ABCA9: variants seen among roughly 807,000 people sequenced by gnomAD.
The protein encoded by ABCA9 is ATP-binding cassette sub-family A member 9.
A neutral mutation model predicts 205.3 loss-of-function variants in ABCA9; 183 were observed. The ratio of observed to expected loss-of-function variants is 0.89; its 90% CI spans 0.79 to 1.01. The LOEUF (loss-of-function observed/expected upper bound fraction) is 1.01. Among genes scored for constraint, ABCA9 ranks in the 50% least tolerant of loss-of-function variants. The pLI is 0.00. For synonymous variants in ABCA9, 651 were observed against 683.3 expected (o/e 0.95, Z 0.74); for missense variants, 1,805 against 1,912.4 (o/e 0.94, Z 1.05).
At chr17:69,028,510 T>A in intron 12 of ABCA9, 25 bp downstream of exon 12, 1 of 1,466,766 alleles carries the variant, frequency 6.8e-7, no homozygotes, top group South Asian at 1.2e-5. Flanking sequence ...TCCAGGTACT[T>A]GTCCTTGGAT....
At chr17:68,988,991 A>G (rs1451815265) in intron 31 of ABCA9, 36 bp downstream of exon 31, 2 of 1,261,072 alleles carry the variant, frequency 1.6e-6, no homozygotes, top group East Asian at 2.3e-5. Flanking sequence ...CTTTGTAGGT[A>G]GCACTAATGA....
At chr17:69,068,388 C>T in the ABCA9 span, among the ~76,000 whole-genome samples, 1 of 152,136 alleles carries the variant, frequency 6.6e-6, no homozygotes, top group Non-Finnish European at 1.5e-5. Flanking sequence ...ATCTTTATTG[C>T]TATTTCTATT....
chr17:68,985,226 T>G lies in ABCA9; in HGVS notation c.4209-98A>C. On this transcript the variant is annotated intron_variant, in intron 32 of 38. Coordinates refer to ENST00000340001, the MANE Select transcript of ABCA9 (RefSeq NM_080283.4). ...GAAACACGACGGTGGGGGAGGTGTT[T>G]ATGAGTGGTCAGAGTGGTCATAAAA... The G allele has an allele frequency of 2.0e-6, 3 of 1,521,940 alleles. No individual in the cohort carries two copies. The South Asian group carries it at 3.4e-5, about 17-fold the overall frequency. 94.3% of individuals were successfully genotyped at this position (1,521,940 alleles called of 1,614,324 possible). A position where few individuals can be genotyped will look rare whatever the true frequency, so the allele number is the denominator to read the frequency against.
rs2144392762 is a variant in ABCA9 at position 69,035,670 on chromosome 17, C to A, written c.932G>T (p.Gly311Val). ...AATTAACCAACTCACCAAAGACAGG[C>A]CATAGAGGAGAAAGAGGGTGAAGAC... The part of the protein sequence containing the change: ...VMVFTLFLLY[G>V]LSLITLAFLM... Residue 311 changes from glycine to valine, a missense_variant, in exon 7 of 39, where the codon GGC (glycine) becomes GTC (valine). Coordinates refer to ENST00000340001, the MANE Select transcript of ABCA9 (RefSeq NM_080283.4). The A allele has an allele frequency of 1.2e-6, 2 of 1,613,324 alleles. No homozygotes were observed. The highest frequency in any genetic ancestry group is 1.7e-5 in the Admixed American group (1 of 59,936).
intron 21 of ABCA9, among the ~76,000 whole-genome samples, chr17:69,016,662 C>T (rs185700251): frequency 3.9e-5 from 6 of 152,186 alleles, no homozygotes; most frequent in Admixed American, 3.9e-4. Flanking sequence ...TATTTAGCAG[C>T]AACACTACGA....
At chr17:69,075,805 C>A in the ABCA9 span, among the ~76,000 whole-genome samples, 1 of 152,018 alleles carries the variant, frequency 6.6e-6, no homozygotes, top group African/African-American at 2.4e-5. Context: ...AGTGTCAAAT[C>A]TGTAGATTGC....
intron 26 of ABCA9, 89 bp downstream of exon 26, chr17:68,995,806 G>C: frequency 6.6e-7 from 1 of 1,509,556 alleles, no homozygotes; most frequent in Non-Finnish European, 9.0e-7. Context: ...TTGCACAGCT[G>C]AGGACTCTAT....
chr17:69,017,798 A>G lies in ABCA9; in HGVS notation c.2768-9T>C, dbSNP rs2070673496. 2 of 1,611,174 alleles carry G rather than the reference A, an allele frequency of 1.2e-6. No homozygotes were observed. The highest frequency in any genetic ancestry group is 1.7e-6 in the Non-Finnish European group (2 of 1,178,656). On this transcript the variant is annotated splice_polypyrimidine_tract_variant and intron_variant, in intron 20 of 38. Coordinates refer to ENST00000340001, the MANE Select transcript of ABCA9 (RefSeq NM_080283.4). ...GTTATCAATGGTTGACCCTACATGA[A>G]GGCAAAGATTAAAGGAAGCAAAAAT...
the ABCA9 span, among the ~76,000 whole-genome samples, chr17:69,066,822 A>T: frequency 2.0e-5 from 3 of 152,256 alleles, no homozygotes; most frequent in African/African-American, 7.2e-5. Flanking sequence ...AGAGTGGAAG[A>T]TTGCCTTAGA....
At chr17:69,043,780 CT>C (rs1386802411) in intron 5 of ABCA9, 65 bp from the exon 6 acceptor site, 2 of 1,327,906 alleles carry the variant, frequency 1.5e-6, no homozygotes, top group Non-Finnish European at 1.0e-6. Flanking sequence ...GGCTTTTTCT[CT>C]AAATTATAAG....
the ABCA9 span, among the ~76,000 whole-genome samples, chr17:69,070,346 G>C: frequency 6.6e-6 from 1 of 152,196 alleles, no homozygotes; most frequent in Admixed American, 6.5e-5. Context: ...CTCCTAGCGA[G>C]ATCAACGCAG....
At chr17:69,028,922 C>A (rs2071077727) in intron 11 of ABCA9, among the ~76,000 whole-genome samples, 1 of 152,036 alleles carries the variant, frequency 6.6e-6, no homozygotes, top group South Asian at 2.1e-4. Context: ...ATAAGATGAG[C>A]TGAAACAAAG....
chr17:68,988,561 C>T (rs563113242), intron 31 of ABCA9, among the ~76,000 whole-genome samples: 4 of 152,266 alleles, frequency 2.6e-5, no homozygotes, highest in Admixed American at 6.5e-5. Flanking sequence ...AGGTTTTACT[C>T]GCTAATGGAC....
chr17:69,020,467 G>GCGCCA lies in ABCA9; in HGVS notation c.2516_2520dup (p.Leu841TrpfsTer11). On this transcript the variant is annotated frameshift_variant, in exon 19 of 39. Coordinates refer to ENST00000340001, the MANE Select transcript of ABCA9 (RefSeq NM_080283.4). LOFTEE classifies it high-confidence loss of function. ...ATTGCACAGACCTGCTGCCTCCAGA[G>GCGCCA]CGCCACGCCACTGATTGTTTTCCTT... The GCGCCA allele has an allele frequency of 6.2e-7, 1 of 1,614,034 alleles. No individual in the cohort carries two copies. The highest frequency in any genetic ancestry group is 8.5e-7 in the Non-Finnish European group (1 of 1,179,962).
At position 68,990,017 on chromosome 17, in the gene ABCA9, T is replaced by C. The variant is rs2069393302; in HGVS notation, c.3838-87A>G. ...ACACTCTTGTCACCAAACCTTTCCT[T>C]ATAAAAAATCATGAATCAAACCACT... On this transcript the variant is annotated intron_variant, in intron 29 of 38. Coordinates refer to ENST00000340001, the MANE Select transcript of ABCA9 (RefSeq NM_080283.4). 5.3e-6 allele frequency: 5 copies of C among 946,344 alleles called. No individual in the cohort carries two copies. In the Admixed American group the frequency reaches 1.2e-4, roughly 22 times the overall value. The allele number at this position is 946,344 out of a possible 1,614,324, so 58.6% of individuals were successfully genotyped here.
intron 25 of ABCA9, among the ~76,000 whole-genome samples, chr17:68,997,119 C>T (rs757858042): frequency 6.6e-6 from 1 of 152,136 alleles, no homozygotes; most frequent in African/African-American, 2.4e-5. Context: ...TTAGTAAAGA[C>T]GGGGTTTCAC....
At chr17:68,984,221 G>T in intron 34 of ABCA9, 46 bp from the exon 35 acceptor site, 2 of 1,593,242 alleles carry the variant, frequency 1.3e-6, no homozygotes, top group Non-Finnish European at 1.7e-6. Context: ...GAATGCTCAA[G>T]GTATTTGGAA....
intron 4 of ABCA9, among the ~76,000 whole-genome samples, 173 bp from the exon 5 acceptor site, chr17:69,044,773 C>T (rs534615765): frequency 3.9e-5 from 6 of 152,252 alleles, no homozygotes; most frequent in African/African-American, 9.6e-5. Context: ...AATTACTTTA[C>T]GAATATTTTT....
chr17:69,064,432 C>A (rs1800731171), upstream of ABCA9, among the ~76,000 whole-genome samples: 1 of 152,206 alleles, frequency 6.6e-6, no homozygotes, highest in African/African-American at 2.4e-5. Flanking sequence ...TTATAGGATA[C>A]ACCCGTTAGC....
Sources: allele counts gnomAD v4.1 joint callset (sites outside exome capture counted in the v4.1 genomes callset), GRCh38; gene constraint gnomAD v4.1.1; transcripts MANE v1.5; gene names NCBI Gene and HGNC (gene_info 2026-07-23, HGNC 2026-07-21).